Variants in MLLT3 observed in about 807,000 individuals in gnomAD.
The protein encoded by MLLT3 is protein AF-9.
Under a neutral mutation model 53.2 loss-of-function variants are expected in MLLT3, and 4 were observed. The ratio of observed to expected loss-of-function variants is 0.08; its 90% CI spans 0.04 to 0.17. The LOEUF (loss-of-function observed/expected upper bound fraction) is 0.17, where lower values mean the gene tolerates loss of function less well. Among genes scored for constraint, MLLT3 ranks in the 10% least tolerant of loss-of-function variants. The pLI is 1.00. For synonymous variants in MLLT3, 283 were observed against 230.6 expected, an observed-to-expected ratio of 1.23 and a Z score of -2.06; for missense variants, 569 against 684.0, an observed-to-expected ratio of 0.83 and a Z score of 1.87.
chr9:20,563,386 G>A (rs1465070691), intron 2 of MLLT3, among the ~76,000 whole-genome samples: 1 of 151,978 alleles, frequency 6.6e-6, no homozygotes, highest in African/African-American at 2.4e-5. Flanking sequence ...CCAGGTCCCT[G>A]CTGGGTAGGG....
chr9:20,372,281 A>C (rs1482658763), intron 5 of MLLT3, among the ~76,000 whole-genome samples: 1 of 152,216 alleles, frequency 6.6e-6, no homozygotes, highest in Non-Finnish European at 1.5e-5. Flanking sequence ...CAGGGTTTGA[A>C]AGAATTGAGT....
At position 20,383,877 on chromosome 9, in the gene MLLT3, A is replaced by G. The variant is rs75654387; in HGVS notation, c.1126-18133T>C. ...GACATTCTAGCAAGGACTTCTATAC[A>G]AACAGAATAAACAAAGATGAGAATT... On this transcript the variant is annotated intron_variant, in intron 5 of 10. Coordinates refer to ENST00000380338, the MANE Select transcript of MLLT3 (RefSeq NM_004529.4). Among the ~76,000 whole-genome samples, 958 of 152,144 alleles carry G rather than the reference A, an allele frequency of 6.3e-3. 6 individuals are homozygous for G. The highest frequency in any genetic ancestry group is 9.2e-3 in the Non-Finnish European group (624 of 67,898).
intron 2 of MLLT3, among the ~76,000 whole-genome samples, chr9:20,585,266 T>C (rs763928300): frequency 6.6e-6 from 1 of 152,158 alleles, no homozygotes; most frequent in Non-Finnish European, 1.5e-5. Context: ...AGTCTCTTAT[T>C]TTTCAACTGA....
intron 4 of MLLT3, among the ~76,000 whole-genome samples, chr9:20,433,076 G>C (rs1454099504): frequency 1.3e-5 from 2 of 151,914 alleles, no homozygotes; most frequent in African/African-American, 4.8e-5. Context: ...CAGTCCAAAA[G>C]CTCTTATGTC....
intron 4 of MLLT3, among the ~76,000 whole-genome samples, chr9:20,431,812 G>A (rs1000187223): frequency 1.3e-5 from 2 of 151,998 alleles, no homozygotes; most frequent in South Asian, 2.1e-4. Context: ...CAGTGAAATA[G>A]ACAATAATAA....
At chr9:20,611,803 T>C (rs929057796) in intron 2 of MLLT3, among the ~76,000 whole-genome samples, 1 of 152,126 alleles carries the variant, frequency 6.6e-6, no homozygotes, top group Non-Finnish European at 1.5e-5. Flanking sequence ...CTTACCACAC[T>C]TAAGTCAAAA....
chr9:20,569,455 C>G (rs1819470594), intron 2 of MLLT3, among the ~76,000 whole-genome samples: 1 of 151,974 alleles, frequency 6.6e-6, no homozygotes, highest in Non-Finnish European at 1.5e-5. Context: ...TAGCAATCAT[C>G]TATCTACACT....
At chr9:20,391,278 C>A (rs1262306154) in intron 5 of MLLT3, among the ~76,000 whole-genome samples, 1 of 152,098 alleles carries the variant, frequency 6.6e-6, no homozygotes. Flanking sequence ...TTAGAAAATC[C>A]TTGCTAATTT....
intron 2 of MLLT3, among the ~76,000 whole-genome samples, chr9:20,575,424 A>C (rs1001982250): frequency 6.6e-6 from 1 of 152,194 alleles, no homozygotes; most frequent in Non-Finnish European, 1.5e-5. Context: ...GCAATAAAGC[A>C]TTTTTAAAAT....
chr9:20,350,631 A>AC (rs1820999529), intron 10 of MLLT3, among the ~76,000 whole-genome samples: 1 of 152,044 alleles, frequency 6.6e-6, no homozygotes, highest in Admixed American at 6.5e-5. Flanking sequence ...AACCAGGTAC[A>AC]TATGGGTAGT....
At chr9:20,512,640 T>A (rs937518646) in intron 2 of MLLT3, among the ~76,000 whole-genome samples, 1 of 152,240 alleles carries the variant, frequency 6.6e-6, no homozygotes, top group Non-Finnish European at 1.5e-5. Context: ...TAGCATGCCA[T>A]GTTATGTCAT....
chr9:20,425,885 T>C (rs1169432417), intron 4 of MLLT3, among the ~76,000 whole-genome samples: 2 of 152,062 alleles, frequency 1.3e-5, no homozygotes, highest in African/African-American at 2.4e-5. Flanking sequence ...TATTTTTTAA[T>C]ATTAAAAATA....
intron 2 of MLLT3, among the ~76,000 whole-genome samples, chr9:20,497,550 T>C (rs558928608): frequency 5.3e-5 from 8 of 152,348 alleles, no homozygotes; most frequent in African/African-American, 1.4e-4. Context: ...ACAATGTGTA[T>C]GCTTTTTCAG....
At chr9:20,619,260 A>C (rs1820924343) in intron 2 of MLLT3, among the ~76,000 whole-genome samples, 1 of 152,230 alleles carries the variant, frequency 6.6e-6, no homozygotes, top group Non-Finnish European at 1.5e-5. Context: ...TCTATAAGAA[A>C]CTGGATTTAT....
chr9:20,535,775 C>CCA (rs2119003184), intron 2 of MLLT3, among the ~76,000 whole-genome samples: 1 of 152,194 alleles, frequency 6.6e-6, no homozygotes, highest in South Asian at 2.1e-4. Context: ...CCCACATGTC[C>CCA]CACATCCTCA....
intron 5 of MLLT3, among the ~76,000 whole-genome samples, chr9:20,404,321 C>G (rs1822528565): frequency 6.6e-6 from 1 of 152,166 alleles, no homozygotes. Context: ...GAACCCCTGC[C>G]AACATCAGGT....
At chr9:20,476,290 A>T (rs1246496781) in intron 2 of MLLT3, among the ~76,000 whole-genome samples, 1 of 152,152 alleles carries the variant, frequency 6.6e-6, no homozygotes, top group Non-Finnish European at 1.5e-5. Context: ...AAAGCAGGTC[A>T]GCAGGTTTGT....
At chr9:20,597,318 T>C (rs1345312038) in intron 2 of MLLT3, among the ~76,000 whole-genome samples, 2 of 151,902 alleles carry the variant, frequency 1.3e-5, no homozygotes, top group African/African-American at 2.4e-5. Flanking sequence ...TACTATAAAG[T>C]TGTTATTTAA....
intron 2 of MLLT3, among the ~76,000 whole-genome samples, chr9:20,545,165 G>A (rs1215838543): frequency 8.9e-5 from 13 of 146,754 alleles, no homozygotes; most frequent in Non-Finnish European, 1.8e-4. Context: ...GGTAGGAGGA[G>A]CAACCTAAAA....
Sources: gnomAD v4.1 joint callset for allele counts (sites outside exome capture counted in the v4.1 genomes callset) on GRCh38, gnomAD v4.1.1 for gene constraint, MANE v1.5 for transcripts, NCBI Gene and HGNC (gene_info 2026-07-23, HGNC 2026-07-21) for gene names.